PCDH9: variants seen among roughly 807,000 people sequenced by gnomAD.
PCDH9 encodes the protein protocadherin-9.
A neutral mutation model predicts 70.6 loss-of-function variants in PCDH9; 24 were observed. The ratio of observed to expected loss-of-function variants is 0.34; its 90% confidence interval spans 0.25 to 0.48. The LOEUF (loss-of-function observed/expected upper bound fraction) is 0.48, where lower values mean the gene tolerates loss of function less well. PCDH9 is among the 20% of genes least tolerant of loss of function. The probability of loss-of-function intolerance (pLI) is 0.99; values close to 1 mark genes in which losing one functional copy is unlikely to be tolerated. For synonymous variants in PCDH9, 562 were observed against 558.5 expected, an observed-to-expected ratio of 1.01 and a Z score of -0.09; for missense variants, 1,281 against 1,503.6, an observed-to-expected ratio of 0.85 and a Z score of 2.45.
intron 3 of PCDH9, among the ~76,000 whole-genome samples, chr13:66,863,409 G>A (rs2139484967): frequency 6.6e-6 from 1 of 152,274 alleles, no homozygotes; most frequent in Admixed American, 6.5e-5. Flanking sequence ...CGATTTATGA[G>A]TTTCAGTTGT....
At chr13:67,187,975 C>T (rs949470781) in intron 2 of PCDH9, among the ~76,000 whole-genome samples, 11 of 151,758 alleles carry the variant, frequency 7.2e-5, no homozygotes, top group African/African-American at 2.7e-4. Flanking sequence ...CTATAGTCAC[C>T]CTGTACTGTA....
chr13:66,635,967 G>T (rs2138949178), intron 3 of PCDH9, among the ~76,000 whole-genome samples: 1 of 152,226 alleles, frequency 6.6e-6, no homozygotes, highest in African/African-American at 2.4e-5. Context: ...AATACTTACA[G>T]TTATGTCAAT....
At chr13:66,981,371 G>A (rs966382344) in intron 2 of PCDH9, among the ~76,000 whole-genome samples, 2 of 150,056 alleles carry the variant, frequency 1.3e-5, no homozygotes, top group African/African-American at 2.5e-5. Context: ...CCGGGAGGCG[G>A]AGGTTGCAAT....
At chr13:66,478,817 G>A (rs1818464485) in intron 4 of PCDH9, among the ~76,000 whole-genome samples, 1 of 152,226 alleles carries the variant, frequency 6.6e-6, no homozygotes, top group Admixed American at 6.5e-5. Context: ...AAGTGCTGAT[G>A]GAGAAGCTGC....
chr13:66,881,558 G>A (rs1028152122), intron 3 of PCDH9, among the ~76,000 whole-genome samples: 1 of 152,004 alleles, frequency 6.6e-6, no homozygotes, highest in African/African-American at 2.4e-5. Flanking sequence ...ATTTGGTTGG[G>A]GATGCCAAGC....
chr13:67,075,025 T>C (rs914424860), intron 2 of PCDH9, among the ~76,000 whole-genome samples: 3 of 152,006 alleles, frequency 2.0e-5, no homozygotes, highest in Admixed American at 6.6e-5. Flanking sequence ...TATGGATCAA[T>C]TGTCATGGGT....
intron 4 of PCDH9, among the ~76,000 whole-genome samples, chr13:66,386,172 A>C (rs1259052469): frequency 6.6e-6 from 1 of 152,182 alleles, no homozygotes; most frequent in Non-Finnish European, 1.5e-5. Flanking sequence ...TTCAACAATA[A>C]TACTATGCCA....
At chr13:66,882,287 A>G (rs1404005300) in intron 3 of PCDH9, among the ~76,000 whole-genome samples, 1 of 152,112 alleles carries the variant, frequency 6.6e-6, no homozygotes, top group African/African-American at 2.4e-5. Flanking sequence ...GTCCTTAATG[A>G]ACTTCTCCTC....
chr13:66,750,593 A>G (rs2139225184), intron 3 of PCDH9, among the ~76,000 whole-genome samples: 1 of 152,270 alleles, frequency 6.6e-6, no homozygotes, highest in Admixed American at 6.5e-5. Flanking sequence ...GAATAATAAA[A>G]GAGAAATCAT....
chr13:66,744,967 T>C (rs2079335812), intron 3 of PCDH9, among the ~76,000 whole-genome samples: 1 of 152,224 alleles, frequency 6.6e-6, no homozygotes, highest in Non-Finnish European at 1.5e-5. Context: ...TACATTCACC[T>C]ATATGAAATG....
chr13:66,779,849 CTATA>C (rs1185055569), intron 3 of PCDH9, among the ~76,000 whole-genome samples: 2 of 78,910 alleles, frequency 2.5e-5, no homozygotes, highest in Admixed American at 1.7e-4. Flanking sequence ...CTCTCTCTCT[CTATA>C]TATATATATA....
At chr13:66,397,137 G>A (rs1009042854) in intron 4 of PCDH9, among the ~76,000 whole-genome samples, 2 of 152,004 alleles carry the variant, frequency 1.3e-5, no homozygotes, top group Non-Finnish European at 2.9e-5. Flanking sequence ...TATTATTTTT[G>A]TCTGGGCACA....
intron 2 of PCDH9, among the ~76,000 whole-genome samples, chr13:67,001,662 T>C (rs2084247146): frequency 1.3e-5 from 2 of 152,134 alleles, no homozygotes; most frequent in Non-Finnish European, 2.9e-5. Flanking sequence ...CAGACGGGGC[T>C]GTGTACGCTT....
chr13:66,763,748 A>G (rs1236636057), intron 3 of PCDH9, among the ~76,000 whole-genome samples: 6 of 151,944 alleles, frequency 3.9e-5, no homozygotes, highest in Non-Finnish European at 8.8e-5. Flanking sequence ...CCTATACCTC[A>G]AGTTTTTTTA....
chr13:66,830,944 A>G (rs1438765605), intron 3 of PCDH9, among the ~76,000 whole-genome samples: 1 of 152,258 alleles, frequency 6.6e-6, no homozygotes, highest in Admixed American at 6.5e-5. Context: ...CACAAGTGCC[A>G]TACTGAAAAC....
At chr13:66,927,110 C>T (rs1260120643) in intron 2 of PCDH9, among the ~76,000 whole-genome samples, 2 of 152,002 alleles carry the variant, frequency 1.3e-5, no homozygotes, top group African/African-American at 4.8e-5. Flanking sequence ...TTAATTTCAG[C>T]TCTGAATGAC....
chr13:66,622,922 C>T lies in PCDH9; in HGVS notation c.3340+8288G>A, dbSNP rs186372489. Among the ~76,000 whole-genome samples the T allele has an allele frequency of 2.0e-5, 3 of 152,320 alleles. No individual in the cohort carries two copies. The East Asian group carries it at 5.8e-4, about 29-fold the overall frequency. On this transcript the variant is annotated intron_variant, in intron 4 of 4. Transcript: ENST00000377865. The stretch of plus-strand genomic sequence containing the variant: ...CACCGCAAAGGTCTGCAGCTTCACT[C>T]CTGAAGCCAGCGAGACCACGAACGC...
chr13:66,704,970 G>T (rs1227854008), intron 3 of PCDH9, among the ~76,000 whole-genome samples: 1 of 151,720 alleles, frequency 6.6e-6, no homozygotes, highest in African/African-American at 2.4e-5. Context: ...TTTCATCAAT[G>T]CTTAAGTATA....
At chr13:66,922,488 C>T (rs1239636254) in intron 2 of PCDH9, among the ~76,000 whole-genome samples, 1 of 151,356 alleles carries the variant, frequency 6.6e-6, no homozygotes, top group African/African-American at 2.4e-5. Context: ...CTTTAATTTT[C>T]ACGATTCTAC....
Sources: gnomAD v4.1 joint callset for allele counts (sites outside exome capture counted in the v4.1 genomes callset) on GRCh38, gnomAD v4.1.1 for gene constraint, MANE v1.5 for transcripts, NCBI Gene and HGNC (gene_info 2026-07-23, HGNC 2026-07-21) for gene names.